ADAMTSL4: variants seen among roughly 807,000 people sequenced by gnomAD.
The protein encoded by ADAMTSL4 is ADAMTS like 4, also known as ADAMTS-like protein 4.
A neutral mutation model predicts 122.8 loss-of-function variants in ADAMTSL4; 97 were observed. That is an observed-to-expected ratio of 0.79 (90% confidence interval 0.67 to 0.93). The LOEUF (loss-of-function observed/expected upper bound fraction) is 0.93, where lower values mean the gene tolerates loss of function less well. ADAMTSL4 is among the 40% of genes least tolerant of loss of function. The pLI is 0.00. For synonymous variants in ADAMTSL4, 592 were observed against 568.0 expected (o/e 1.04, Z -0.60); for missense variants, 1,408 against 1,453.5 (o/e 0.97, Z 0.51).
In ADAMTSL4 at chr1:150,559,114, C is replaced by T. The variant is rs368857827; in HGVS notation, c.2712C>T (p.Ser904=). The change falls in exon 16 of 19, where the codon AGC becomes AGT. Residue 904 remains serine (S), a synonymous_variant. Coordinates refer to ENST00000271643, the MANE Select transcript of ADAMTSL4 (RefSeq NM_019032.6). This position sits in a 1 kb window ranked among gnomAD's most constrained non-coding sequence, Gnocchi z 4.1. ...GSRPPDMRAC[S]LGPCERTWRW... Reference sequence around the variant, plus strand: ...GGCCCCCTGACATGCGCGCCTGCAGCCTGGGGCCCTGTGAGAGAACTTGGC... The same window carrying T: ...GGCCCCCTGACATGCGCGCCTGCAGTCTGGGGCCCTGTGAGAGAACTTGGC... 51 of 1,612,910 alleles carry T rather than the reference C, an allele frequency of 3.2e-5. No individual in the cohort carries two copies. The African/African-American group carries it at 6.4e-4, about 20-fold the overall frequency.
chr1:150,558,297 C>G (rs766339040), intron 14 of ADAMTSL4, 148 bp downstream of exon 14: 22 of 1,514,602 alleles, frequency 1.5e-5, no homozygotes, highest in Non-Finnish European at 1.9e-5. Flanking sequence ...AGATAAGGGA[C>G]TGAACCAGGG....
At position 150,552,516 on chromosome 1, in the gene ADAMTSL4, G is replaced by T. The variant is rs769939051; in HGVS notation, c.21-27G>T. ...ACACCCCCTCTGGCTCCAGTCTGAC[G>T]TCCCTCCCCTGGCCTTTGGTTTGCA... is the stretch of plus-strand genomic sequence containing the variant. On this transcript the variant is annotated intron_variant, in intron 3 of 18. Transcript: ENST00000271643. This position sits in a 1 kb window ranked among gnomAD's most constrained non-coding sequence, Gnocchi z 4.0. The T allele has an allele frequency of 8.7e-6, 14 of 1,614,000 alleles. No homozygotes were observed. Among genetic ancestry groups the T allele is most frequent in the Non-Finnish European group, 1.2e-5 (14 of 1,179,932 alleles).
chr1:150,557,701 TG>T, intron 13 of ADAMTSL4, 78 bp downstream of exon 13: 1 of 1,489,440 alleles, frequency 6.7e-7, no homozygotes, highest in South Asian at 1.2e-5. Context: ...ACCTGAACTC[TG>T]CACTCAACGC....
chr1:150,555,368 C>A, intron 7 of ADAMTSL4, 61 bp from the exon 8 acceptor site: 6 of 1,606,642 alleles, frequency 3.7e-6, no homozygotes, highest in Non-Finnish European at 5.1e-6. Flanking sequence ...CCCTCTGGGG[C>A]CTCTCTCAGC....
Position 150,559,382 on chromosome 1 carries a change from T to C in ADAMTSL4, c.2859T>C (p.Cys953=), listed in dbSNP as rs2101662301. 1 of 1,613,812 alleles carries C rather than the reference T, an allele frequency of 6.2e-7. No individual in the cohort carries two copies. Among genetic ancestry groups the C allele is most frequent in the Non-Finnish European group, 8.5e-7 (1 of 1,180,006 alleles). Residue 953 remains cysteine, a synonymous_variant, in exon 17 of 19, where the codon TGT becomes TGC. Coordinates refer to ENST00000271643, the MANE Select transcript of ADAMTSL4 (RefSeq NM_019032.6). This position sits in a 1 kb window ranked among gnomAD's most constrained non-coding sequence, Gnocchi z 4.1. ...TCAACGTGACTTCTCCGAGCAACTG[T>C]TCTCACCTCCCCAGGCCCCCTGCCC... ...TEFNVTSPSN[C]SHLPRPPALQ... is the part of the protein sequence containing the mutation.
In ADAMTSL4 at chr1:150,553,055, A is replaced by G. The variant is rs759875828; in HGVS notation, c.236A>G (p.His79Arg). ...RTCQLPTVQL[H>R]PSLPLPPRPP... ...TGTCAGCTCCCTACAGTGCAGCTCC[A>G]CCCGAGTCTGCCCCTCCCTCCCCGG... Residue 79 changes from histidine to arginine, a missense_variant, in exon 5 of 19, where the codon CAC (histidine) becomes CGC (arginine). Physicochemically the swap from His to Arg is conservative, Grantham distance 29 (BLOSUM62 0). Coordinates refer to ENST00000271643, the MANE Select transcript of ADAMTSL4 (RefSeq NM_019032.6). The G allele has an allele frequency of 1.2e-6, 2 of 1,612,880 alleles. No homozygotes were observed. Among genetic ancestry groups the G allele is most frequent in the East Asian group, 4.5e-5 (2 of 44,830 alleles).
rs1309756007 is a variant in ADAMTSL4 at position 150,552,522 on chromosome 1, C to T, written c.21-21C>T. The T allele has an allele frequency of 6.2e-7, 1 of 1,614,058 alleles. No homozygotes were observed. Among genetic ancestry groups the T allele is most frequent in the South Asian group, 1.1e-5 (1 of 91,080 alleles). On this transcript the variant is annotated intron_variant, in intron 3 of 18. Transcript: ENST00000271643. This position sits in a 1 kb window ranked among gnomAD's most constrained non-coding sequence, Gnocchi z 4.0. ...CCTCTGGCTCCAGTCTGACGTCCCTCCCCTGGCCTTTGGTTTGCAGGCCCT... is the reference window on the plus strand; with the variant it reads ...CCTCTGGCTCCAGTCTGACGTCCCTTCCCTGGCCTTTGGTTTGCAGGCCCT...
rs1332402108 is a variant in ADAMTSL4, at chr1:150,552,435, T to C, written c.21-108T>C. On this transcript the variant is annotated intron_variant, in intron 3 of 18. Transcript: ENST00000271643. The surrounding 1 kb of genome is among the most constrained non-coding windows in gnomAD (Gnocchi z 4.0). ...GAAGTGATGAGTAACTTCTGCTTTC[T>C]GAGAAGTTGGTAGTCAGGATATGGG... The C allele has an allele frequency of 6.4e-7, 1 of 1,566,720 alleles. No homozygotes were observed. The highest frequency in any genetic ancestry group is 1.4e-5 in the African/African-American group (1 of 73,950).
At position 150,553,611 on chromosome 1, in the gene ADAMTSL4, ACGG is replaced by A; in HGVS notation, c.622_624del (p.Gly208del). On this transcript the variant is annotated inframe_deletion, in exon 6 of 19. Transcript: ENST00000271643. ...CCAAGAGCAGAGCCATTCTCCGCAAACGGCAGCCCCCAAACTGAGCTCCCTCCC... is the reference window on the plus strand; with the variant it reads ...CCAAGAGCAGAGCCATTCTCCGCAAACAGCCCCCAAACTGAGCTCCCTCCC... 1 of 1,613,668 alleles carries A rather than the reference ACGG, an allele frequency of 6.2e-7. No individual in the cohort carries two copies. Among genetic ancestry groups the A allele is most frequent in the Non-Finnish European group, 8.5e-7 (1 of 1,179,912 alleles).
At position 150,558,035 on chromosome 1, in the gene ADAMTSL4, G is replaced by A. The variant is rs1221238633; in HGVS notation, c.2268G>A (p.Gly756=). ...RQLQCRQEFG[G]GGSSVPPERC... is the part of the protein sequence containing the mutation. ...TGCAGTGCCGGCAGGAATTTGGGGG[G>A]GGTGGCTCCTCGGTGCCCCCGGAGC... The change falls in exon 14 of 19, where the codon GGG becomes GGA. Residue 756 remains glycine, a synonymous_variant. Transcript: ENST00000271643. The A allele has an allele frequency of 6.2e-7, 1 of 1,612,832 alleles. No homozygotes were observed.
chr1:150,558,971 G>C lies in ADAMTSL4; in HGVS notation c.2569G>C (p.Glu857Gln), dbSNP rs201050879. Residue 857 changes from glutamate (E) to glutamine (Q), a missense_variant, in exon 16 of 19, where the codon GAG (glutamate) becomes CAG (glutamine). By Grantham distance (29) the Glu-to-Gln change is conservative (BLOSUM62 2). Transcript: ENST00000271643. Reference sequence around the variant, plus strand: ...CTCTCCTCCTCCGCAGTGCTCAGCCGAGTGTGGGACGGGAATCCAGCGGCG... The same window carrying C: ...CTCTCCTCCTCCGCAGTGCTCAGCCCAGTGTGGGACGGGAATCCAGCGGCG... ...HSDWSSKCSA[E>Q]CGTGIQRRSV... is the part of the protein sequence containing the mutation. The C allele has an allele frequency of 1.2e-6, 2 of 1,608,604 alleles. No individual in the cohort carries two copies. Among genetic ancestry groups the C allele is most frequent in the South Asian group, 1.1e-5 (1 of 90,270 alleles).
rs1671650819 is a variant in ADAMTSL4, at chr1:150,553,475, G to C, written c.484G>C (p.Val162Leu). The C allele has an allele frequency of 1.2e-6, 2 of 1,613,918 alleles. No individual in the cohort carries two copies. Among genetic ancestry groups the C allele is most frequent in the Non-Finnish European group, 1.7e-6 (2 of 1,179,984 alleles). Residue 162 changes from valine to leucine, a missense_variant, in exon 6 of 19, where the codon GTG (valine) becomes CTG (leucine). Transcript: ENST00000271643. ...IKPGMFGYGR[V>L]PFALPLHRNR... The stretch of plus-strand genomic sequence containing the variant: ...GCCAGGAATGTTCGGTTATGGGAGA[G>C]TGCCCTTTGCATTGCCACTGCACCG...
rs1176433799 is a variant in ADAMTSL4, at chr1:150,556,872, GGAGA to G, written c.1750-61_1750-58del. 2.2e-5 allele frequency: 36 copies of G among 1,611,284 alleles called. No homozygotes were observed. Among genetic ancestry groups the G allele is most frequent in the Non-Finnish European group, 3.1e-5 (36 of 1,177,770 alleles). On this transcript the variant is annotated intron_variant, in intron 10 of 18. Coordinates refer to ENST00000271643, the MANE Select transcript of ADAMTSL4 (RefSeq NM_019032.6). The surrounding 1 kb of genome is among the most constrained non-coding windows in gnomAD (Gnocchi z 4.1). ...GGGCAGAGCTGTGGTTGTCAAGATG[GGAGA>G]GAGAGCTGGTGGCATCCTCTTCTGG...
chr1:150,554,102 C>G lies in ADAMTSL4; in HGVS notation c.1111C>G (p.Leu371Val). 6.2e-7 allele frequency: 1 copy of G among 1,600,226 alleles called. No individual in the cohort carries two copies. Among genetic ancestry groups the G allele is most frequent in the Non-Finnish European group, 8.5e-7 (1 of 1,179,920 alleles). Residue 371 changes from leucine to valine, a missense_variant, in exon 6 of 19, where the codon CTA becomes GTA. Coordinates refer to ENST00000271643, the MANE Select transcript of ADAMTSL4 (RefSeq NM_019032.6). The surrounding 1 kb of genome is among the most constrained non-coding windows in gnomAD (Gnocchi z 4.0). ...IPRCSGESEQ[L>V]RACSQAPCPP... ...AAGATGTTCTGGGGAGAGTGAACAG[C>G]TAAGAGCCTGCAGCCAAGCGGTGAG...
At position 150,555,489 on chromosome 1, in the gene ADAMTSL4, G is replaced by C; in HGVS notation, c.1295G>C (p.Arg432Pro). The stretch of plus-strand genomic sequence containing the variant: ...CCCCGTGGCTTCCGCTTCTATGTCC[G>C]TCACACTGAAAAGGTCCAGGATGGG... ...CRPRGFRFYVRHTEKVQDGTL... is the reference protein window; with the variant it reads ...CRPRGFRFYVPHTEKVQDGTL... Residue 432 changes from arginine to proline, a missense_variant, in exon 8 of 19, where the codon CGT becomes CCT. Coordinates refer to ENST00000271643, the MANE Select transcript of ADAMTSL4 (RefSeq NM_019032.6). 2.5e-6 allele frequency: 4 copies of C among 1,614,138 alleles called. No homozygotes were observed. Among genetic ancestry groups the C allele is most frequent in the Non-Finnish European group, 3.4e-6 (4 of 1,180,022 alleles).
At position 150,552,744 on chromosome 1, in the gene ADAMTSL4, T is replaced by C. The variant is rs1671552473; in HGVS notation, c.78+144T>C. 2.6e-5 allele frequency: 34 copies of C among 1,312,116 alleles called. 1 individual carries two copies. The South Asian group carries it at 3.8e-4, about 15-fold the overall frequency. The allele number at this position is 1,312,116 out of a possible 1,614,324, so 81.3% of individuals were successfully genotyped here. A position where few individuals can be genotyped will look rare whatever the true frequency, so the allele number is the denominator to read the frequency against. ...GCCAACTCCCCAGTTCCTTGCCTCA[T>C]AACACCAAGAGGCCGAGGTGTAGTT... On this transcript the variant is annotated intron_variant, in intron 4 of 18. Coordinates refer to ENST00000271643, the MANE Select transcript of ADAMTSL4 (RefSeq NM_019032.6). This position sits in a 1 kb window ranked among gnomAD's most constrained non-coding sequence, Gnocchi z 4.0.
chr1:150,558,085 A>G lies in ADAMTSL4; in HGVS notation c.2318A>G (p.Asn773Ser), dbSNP rs377089937. 8 of 1,613,018 alleles carry G rather than the reference A, an allele frequency of 5.0e-6. No individual in the cohort carries two copies. Among genetic ancestry groups the G allele is most frequent in the Non-Finnish European group, 5.1e-6 (6 of 1,180,006 alleles). The change falls in exon 14 of 19, where the codon AAC becomes AGC. Residue 773 changes from asparagine to serine, a missense_variant. Physicochemically the swap from Asn to Ser is conservative, Grantham distance 46. Transcript: ENST00000271643. ...CGCTGTGGACATCTCCCCCGGCCCAACATCACCCAGTCTTGCCAGCTGCGC... is the reference window on the plus strand; with the variant it reads ...CGCTGTGGACATCTCCCCCGGCCCAGCATCACCCAGTCTTGCCAGCTGCGC... ...PERCGHLPRP[N>S]ITQSCQLRLC... is the part of the protein sequence containing the mutation.
At position 150,555,467 on chromosome 1, in the gene ADAMTSL4, C is replaced by G; in HGVS notation, c.1273C>G (p.Arg425Gly). Residue 425 changes from arginine to glycine, a missense_variant, in exon 8 of 19, where the codon CGT becomes GGT. Coordinates refer to ENST00000271643, the MANE Select transcript of ADAMTSL4 (RefSeq NM_019032.6). ...GCGCTGTGAACTGAACTGCCGGCCC[C>G]GTGGCTTCCGCTTCTATGTCCGTCA... ...SQRCELNCRP[R>G]GFRFYVRHTE... The G allele has an allele frequency of 2.5e-6, 4 of 1,614,154 alleles. No homozygotes were observed. The highest frequency in any genetic ancestry group is 3.4e-6 in the Non-Finnish European group (4 of 1,180,010).
rs761870151 is a variant in ADAMTSL4, at chr1:150,556,892, C to A, written c.1750-47C>A. The A allele has an allele frequency of 6.2e-7, 1 of 1,605,032 alleles. No homozygotes were observed. The highest frequency in any genetic ancestry group is 2.2e-5 in the East Asian group (1 of 44,832). On this transcript the variant is annotated intron_variant, in intron 10 of 18. Transcript: ENST00000271643. This position sits in a 1 kb window ranked among gnomAD's most constrained non-coding sequence, Gnocchi z 4.1. ...AGATGGGAGAGAGAGCTGGTGGCAT[C>A]CTCTTCTGGCCACCCCCACATATTC...
Sources: allele counts gnomAD v4.1 joint callset, GRCh38; gene constraint gnomAD v4.1.1; non-coding constraint Gnocchi (gnomAD v3.1); transcripts MANE v1.5; gene names NCBI Gene and HGNC (gene_info 2026-07-23, HGNC 2026-07-21).